The following KIF25 variants were observed in gnomAD, a reference collection of about 807,000 sequenced individuals.
KIF25 encodes kinesin family member 25.
KIF25 carries 19 observed loss-of-function variants against 32.9 expected under a neutral mutation model. The ratio of observed to expected loss-of-function variants is 0.58; its 90% CI spans 0.40 to 0.85. KIF25 has a LOEUF of 0.85. Among genes scored for constraint, KIF25 ranks in the 40% least tolerant of loss-of-function variants. The pLI, the probability that KIF25 is intolerant of heterozygous loss-of-function variation, is 0.00. For synonymous variants in KIF25, 225 were observed against 213.7 expected, an observed-to-expected ratio of 1.05 and a Z score of -0.46; for missense variants, 485 against 507.0, an observed-to-expected ratio of 0.96 and a Z score of 0.42.
At chr6:168,024,416 CCTCT>C (rs1328351959) in intron 5 of KIF25, among the ~76,000 whole-genome samples, 1 of 134,248 alleles carries the variant, frequency 7.4e-6, no homozygotes, top group Non-Finnish European at 1.6e-5. Flanking sequence ...TTAGTAAAAA[CCTCT>C]CTCTTTTTTT....
intron 8 of KIF25, among the ~76,000 whole-genome samples, chr6:168,034,558 T>C (rs1798989504): frequency 6.6e-6 from 1 of 152,116 alleles, no homozygotes; most frequent in Non-Finnish European, 1.5e-5. Context: ...CCTGCCTGGC[T>C]AAGACAAAAC....
chr6:168,021,911 C>G (rs370900877), intron 5 of KIF25, among the ~76,000 whole-genome samples: 98 of 152,294 alleles, frequency 6.4e-4, no homozygotes, highest in African/African-American at 2.1e-3. Flanking sequence ...TCTCTAGATG[C>G]TTTTAAGAGT....
Position 168,042,621 on chromosome 6 carries a change from C to T in KIF25, c.890C>T (p.Ala297Val), listed in dbSNP as rs776942483. ...REMACISRSL[A>V]ALAGVLGALL... The stretch of plus-strand genomic sequence containing the variant: ...ATGGCGTGCATCAGCCGCAGCCTTG[C>T]GGCCCTGGCAGGCGTCCTGGGGGCT... The change falls in exon 12 of 13, where the codon GCG (alanine) becomes GTG (valine). Residue 297 changes from alanine to valine, a missense_variant. By Grantham distance (64) the Ala-to-Val change is moderately conservative (BLOSUM62 0). Coordinates refer to ENST00000643607, the MANE Select transcript of KIF25 (RefSeq NM_030615.4). The T allele has an allele frequency of 1.3e-5, 21 of 1,613,754 alleles. No homozygotes were observed. The highest frequency in any genetic ancestry group is 5.3e-5 in the African/African-American group (4 of 74,936).
At chr6:168,037,255 A>G (rs999086797) in intron 8 of KIF25, among the ~76,000 whole-genome samples, 4 of 152,120 alleles carry the variant, frequency 2.6e-5, no homozygotes, top group African/African-American at 9.7e-5. Flanking sequence ...TTTAGTCTTC[A>G]TCATTTTCTT....
chr6:168,042,863 G>A (rs1047883848), intron 12 of KIF25, 147 bp downstream of exon 12: 4 of 933,828 alleles, frequency 4.3e-6, no homozygotes, highest in Admixed American at 2.6e-5. Context: ...GCACTCCCAC[G>A]GCACGGTGGT....
chr6:168,040,785 A>G (rs1799108370), intron 10 of KIF25, among the ~76,000 whole-genome samples: 1 of 152,262 alleles, frequency 6.6e-6, no homozygotes, highest in Non-Finnish European at 1.5e-5. Flanking sequence ...AGCAGGGCAT[A>G]ATACACCTTG....
At chr6:168,018,398 C>T (rs1027994924) in intron 5 of KIF25, among the ~76,000 whole-genome samples, 2 of 152,170 alleles carry the variant, frequency 1.3e-5, no homozygotes, top group East Asian at 1.9e-4. Flanking sequence ...GCAAGCTAGG[C>T]TGAGCTACAA....
intron 4 of KIF25, among the ~76,000 whole-genome samples, chr6:168,009,412 G>T (rs2114872120): frequency 6.6e-6 from 1 of 152,102 alleles, no homozygotes; most frequent in Admixed American, 6.5e-5. Context: ...TCACATTTTG[G>T]GATAAATCCC....
chr6:168,029,496 A>G lies in KIF25; in HGVS notation c.-90A>G. The stretch of plus-strand genomic sequence containing the variant: ...TCAAGTCATGATCCTTTACAGATAT[A>G]CTGGCCTTCCCAGCTGACATGGACC... On this transcript the variant is annotated 5_prime_UTR_variant, in exon 6 of 13. In the 5' UTR this introduces an upstream ATG that the reference lacks. Coordinates refer to ENST00000643607, the MANE Select transcript of KIF25 (RefSeq NM_030615.4). 2.6e-6 allele frequency: 4 copies of G among 1,548,984 alleles called. No homozygotes were observed. In the South Asian group the frequency reaches 3.7e-5, roughly 14 times the overall value.
At chr6:168,007,211 C>T (rs955465058) in intron 4 of KIF25, among the ~76,000 whole-genome samples, 3 of 152,004 alleles carry the variant, frequency 2.0e-5, no homozygotes, top group Admixed American at 6.6e-5. Flanking sequence ...AGGAGTTCGA[C>T]ACCAGCCTGG....
intron 5 of KIF25, among the ~76,000 whole-genome samples, chr6:168,020,291 C>T (rs929081747): frequency 1.3e-5 from 2 of 152,066 alleles, no homozygotes; most frequent in Non-Finnish European, 2.9e-5. Context: ...CTCTAAAGTA[C>T]GGAAAGAGAA....
intron 4 of KIF25, among the ~76,000 whole-genome samples, chr6:168,014,519 G>C (rs1798688362): frequency 6.6e-6 from 1 of 152,166 alleles, no homozygotes; most frequent in African/African-American, 2.4e-5. Flanking sequence ...GTTCATTGAA[G>C]GGCTTCATGC....
Position 168,042,676 on chromosome 6 carries a change from C to G in KIF25, c.945C>G (p.Tyr315Ter), listed in dbSNP as rs141913897. The G allele has an allele frequency of 1.2e-6, 2 of 1,613,282 alleles. No homozygotes were observed. Among genetic ancestry groups the G allele is most frequent in the Admixed American group, 1.7e-5 (1 of 60,002 alleles). The part of the protein sequence containing the change: ...ALLEHRGHAP[Y>*]RNSRLTHLLQ... The stretch of plus-strand genomic sequence containing the variant: ...TGGAGCACCGTGGCCATGCCCCGTA[C>G]CGGAACAGCAGGCTCACCCACCTCC... The change falls in exon 12 of 13, where the codon TAC (tyrosine) becomes TAG (stop). Residue 315 changes from tyrosine to a stop codon, truncating the protein, a stop_gained. Coordinates refer to ENST00000643607, the MANE Select transcript of KIF25 (RefSeq NM_030615.4). LOFTEE classifies it low-confidence loss of function (END_TRUNC).
At chr6:168,033,823 C>A in intron 7 of KIF25, 59 bp from the exon 8 acceptor site, 1 of 1,555,120 alleles carries the variant, frequency 6.4e-7, no homozygotes, top group Non-Finnish European at 8.7e-7. Context: ...AAAATTTTTC[C>A]TGGAATCTTC....
At chr6:168,000,437 A>C (rs2427647) in intron 2 of KIF25, among the ~76,000 whole-genome samples, 144 of 39,878 alleles carry the variant, frequency 3.6e-3, no homozygotes, top group Admixed American at 4.5e-3. Context: ...TCTACACCTG[A>C]CCCTCCCCAC....
rs1190684004 is a variant in KIF25 at position 168,030,780 on chromosome 6, G to T, written c.100G>T (p.Gly34Cys). 2 of 1,609,450 alleles carry T rather than the reference G, an allele frequency of 1.2e-6. No homozygotes were observed. Among genetic ancestry groups the T allele is most frequent in the Non-Finnish European group, 1.7e-6 (2 of 1,177,906 alleles). ...FPDDKDLRVYGPAESQSAVFG... is the reference protein window; with the variant it reads ...FPDDKDLRVYCPAESQSAVFG... The stretch of plus-strand genomic sequence containing the variant: ...TTTCACTTTGTCTCTCAGGGTTTAT[G>T]GTCCAGCAGAGTCTCAGAGCGCGGT... The change falls in exon 7 of 13, where the codon GGT becomes TGT. Residue 34 changes from glycine to cysteine, a missense_variant. Gly to Cys is a radical substitution (Grantham distance 159, BLOSUM62 -3). This residue lies in a region of KIF25 where 480 missense variants were observed against 470.3 expected (regional missense o/e 1.02). Coordinates refer to ENST00000643607, the MANE Select transcript of KIF25 (RefSeq NM_030615.4).
intron 3 of KIF25, among the ~76,000 whole-genome samples, chr6:168,003,151 C>T (rs1798530081): frequency 6.6e-6 from 1 of 152,140 alleles, no homozygotes; most frequent in Non-Finnish European, 1.5e-5. Flanking sequence ...CTAAACTGCG[C>T]ATGAAGGAGA....
intron 11 of KIF25, 128 bp from the exon 12 acceptor site, chr6:168,042,433 C>T: frequency 8.3e-7 from 1 of 1,203,306 alleles, no homozygotes; most frequent in Non-Finnish European, 1.2e-6. Flanking sequence ...GACACTCACT[C>T]TCATGCCTGT....
chr6:168,040,237 G>C, intron 10 of KIF25, 21 bp downstream of exon 10: 2 of 1,595,752 alleles, frequency 1.3e-6, no homozygotes, highest in Non-Finnish European at 1.7e-6. Context: ...ATTTGTGCTT[G>C]GTCAGTGGCA....
Sources: allele counts gnomAD v4.1 joint callset (sites outside exome capture counted in the v4.1 genomes callset), GRCh38; gene constraint gnomAD v4.1.1; regional missense constraint gnomAD v4.1.1; transcripts MANE v1.5; gene names NCBI Gene and HGNC (gene_info 2026-07-23, HGNC 2026-07-21).